Variants in PXMP2 observed in about 807,000 individuals in gnomAD.
PXMP2 encodes the protein peroxisomal membrane protein 2.
A neutral mutation model predicts 20.2 loss-of-function variants in PXMP2; 13 were observed. The ratio of observed to expected loss-of-function variants is 0.64; its 90% CI spans 0.42 to 1.02. The LOEUF is 1.02. Ranked by LOEUF, PXMP2 falls within the 50% of genes least tolerant of loss-of-function variation. The pLI, the probability that PXMP2 is intolerant of heterozygous loss-of-function variation, is 0.00. For missense variants in PXMP2, 284 were observed against 251.8 expected, an observed-to-expected ratio of 1.13 and a Z score of -0.87; for synonymous variants, 113 against 111.2, an observed-to-expected ratio of 1.02 and a Z score of -0.10.
At chr12:132,689,811 G>A (rs1330703997) in intron 1 of PXMP2, among the ~76,000 whole-genome samples, 1 of 152,120 alleles carries the variant, frequency 6.6e-6, no homozygotes, top group African/African-American at 2.4e-5. Context: ...GTGCAGTATC[G>A]ACCAGGGCAT....
rs533579558 is a variant in PXMP2 at position 132,692,419 on chromosome 12, C to T, written c.236+2043C>T. On this transcript the variant is annotated intron_variant, in intron 2 of 4. Coordinates refer to ENST00000317479, the MANE Select transcript of PXMP2 (RefSeq NM_018663.3). ...CCTTAGCCAGTTAATTAGTGAGCTC[C>T]CTTAGCCAGTTAGTTAGTGAGCGCC... is the stretch of plus-strand genomic sequence containing the variant. Among the ~76,000 whole-genome samples the T allele has an allele frequency of 3.0e-5, 3 of 100,190 alleles. No homozygotes were observed. The East Asian group carries it at 7.4e-4, about 25-fold the overall frequency. 65.7% of individuals were successfully genotyped at this position (100,190 alleles called of 152,430 possible).
At chr12:132,692,253 CAGTT>C (rs751563879) in intron 2 of PXMP2, among the ~76,000 whole-genome samples, 5 of 145,734 alleles carry the variant, frequency 3.4e-5, no homozygotes, top group African/African-American at 5.2e-5. Flanking sequence ...CTCCCTGAGC[CAGTT>C]AGTTAGTGAG....
At chr12:132,697,884 G>A (rs1296884594) in intron 3 of PXMP2, among the ~76,000 whole-genome samples, 1 of 152,132 alleles carries the variant, frequency 6.6e-6, no homozygotes, top group Non-Finnish European at 1.5e-5. Flanking sequence ...CATGGGAGGC[G>A]TGTTCACCTG....
chr12:132,700,537 T>A (rs898033883), intron 3 of PXMP2, among the ~76,000 whole-genome samples: 1 of 152,228 alleles, frequency 6.6e-6, no homozygotes, highest in Non-Finnish European at 1.5e-5. Flanking sequence ...CATTTCTTTC[T>A]TGTTGAGTTG....
rs1419155705 is a variant in PXMP2 at position 132,696,114 on chromosome 12, C to T, written c.399+68C>T. ...ACAGGGATTCTTCACCTGACATTCTCGGCAGAATTCAGAGGGTCTGCAGAT... is the reference window on the plus strand; with the variant it reads ...ACAGGGATTCTTCACCTGACATTCTTGGCAGAATTCAGAGGGTCTGCAGAT... On this transcript the variant is annotated intron_variant, in intron 3 of 4. Coordinates refer to ENST00000317479, the MANE Select transcript of PXMP2 (RefSeq NM_018663.3). The surrounding 1 kb of genome is among the most constrained non-coding windows in gnomAD (Gnocchi z 4.4). 6.3e-5 allele frequency: 92 copies of T among 1,456,018 alleles called. No homozygotes were observed. Among genetic ancestry groups the T allele is most frequent in the South Asian group, 8.8e-5 (6 of 68,124 alleles). The allele number at this position is 1,456,018 out of a possible 1,614,324, so 90.2% of individuals were successfully genotyped here. A position where few individuals can be genotyped will look rare whatever the true frequency, so the allele number is the denominator to read the frequency against.
At chr12:132,697,500 C>T (rs557170430) in intron 3 of PXMP2, among the ~76,000 whole-genome samples, 253 of 151,696 alleles carry the variant, frequency 1.7e-3, no homozygotes, top group African/African-American at 5.8e-3. Flanking sequence ...CTCTGCCTCC[C>T]GGGTTCAAAC....
rs200778964 is a variant in PXMP2 at position 132,695,139 on chromosome 12, CAGTT to C, written c.237-737_237-734del. ...CAGTTAGTTAATGAGCTCCCTTAGC[CAGTT>C]AGTTAGTGAGCGCCCTTGACAGTTA... On this transcript the variant is annotated intron_variant, in intron 2 of 4. Transcript: ENST00000317479. Among the ~76,000 whole-genome samples the C allele has an allele frequency of 7.1e-4, 106 of 148,884 alleles. 1 individual carries two copies. The highest frequency in any genetic ancestry group is 6.1e-3 in the East Asian group (30 of 4,942).
intron 2 of PXMP2, among the ~76,000 whole-genome samples, chr12:132,693,982 T>A (rs1333561756): frequency 9.1e-6 from 1 of 109,362 alleles, no homozygotes; most frequent in Non-Finnish European, 2.1e-5. Context: ...AGCCAGTTAG[T>A]GAGCTCCCTT....
chr12:132,701,515 A>T (rs949672369), intron 4 of PXMP2, 146 bp downstream of exon 4: 4 of 1,151,058 alleles, frequency 3.5e-6, no homozygotes, highest in East Asian at 2.6e-5. Flanking sequence ...ACTTAGTTTC[A>T]TCCGTGTCTA....
intron 1 of PXMP2, among the ~76,000 whole-genome samples, chr12:132,688,335 CA>C (rs1415471549): frequency 2.5e-5 from 1 of 40,406 alleles, no homozygotes; most frequent in Admixed American, 2.6e-4. Context: ...AAGACAGGGC[CA>C]GGGGAGCGGG....
At chr12:132,697,931 C>T (rs530883898) in intron 3 of PXMP2, among the ~76,000 whole-genome samples, 8 of 152,244 alleles carry the variant, frequency 5.3e-5, no homozygotes, top group African/African-American at 1.9e-4. Context: ...TGTCCCACCT[C>T]CCCCGTTCAC....
intron 1 of PXMP2, among the ~76,000 whole-genome samples, chr12:132,688,916 G>A (rs1197002301): frequency 5.2e-5 from 2 of 38,532 alleles, no homozygotes; most frequent in African/African-American, 1.9e-4. Context: ...GGTGAAGACA[G>A]GGCCAGGGGA....
intron 2 of PXMP2, 146 bp downstream of exon 2, chr12:132,690,522 A>G: frequency 1.6e-6 from 1 of 643,822 alleles, no homozygotes; most frequent in South Asian, 2.1e-5. Flanking sequence ...AAAAACTCGA[A>G]TGGTTCATAT....
Position 132,687,602 on chromosome 12 carries a change from C to G in PXMP2, c.-69C>G, listed in dbSNP as rs183725414. On this transcript the variant is annotated 5_prime_UTR_variant, in exon 1 of 5. Coordinates refer to ENST00000317479, the MANE Select transcript of PXMP2 (RefSeq NM_018663.3). ...GGCGGTCCCCACTCCGCTCTCGGCG[C>G]CTCGGGCTCCGCGCCCGGCCAGCCT... 3.4e-6 allele frequency: 4 copies of G among 1,166,956 alleles called. No individual in the cohort carries two copies. The allele number at this position is 1,166,956 out of a possible 1,614,324, so 72.3% of individuals were successfully genotyped here.
At chr12:132,704,537 C>A in intron 4 of PXMP2, 82 bp from the exon 5 acceptor site, 1 of 1,159,510 alleles carries the variant, frequency 8.6e-7, no homozygotes, top group Non-Finnish European at 1.2e-6. Context: ...AACGGGTAAA[C>A]AAATGAACTG....
In PXMP2 at chr12:132,695,864, A is replaced by T; in HGVS notation, c.237-20A>T. ...CATCCAGAGAACCACAATCTGGCTC[A>T]CACCCCCTGGGGGCCTCAGGTTCTT... On this transcript the variant is annotated intron_variant, in intron 2 of 4. Coordinates refer to ENST00000317479, the MANE Select transcript of PXMP2 (RefSeq NM_018663.3). 1 of 1,589,582 alleles carries T rather than the reference A, an allele frequency of 6.3e-7. No individual in the cohort carries two copies. The highest frequency in any genetic ancestry group is 8.6e-7 in the Non-Finnish European group (1 of 1,165,412).
intron 2 of PXMP2, among the ~76,000 whole-genome samples, chr12:132,691,760 T>G (rs2043368024): frequency 6.6e-6 from 1 of 151,958 alleles, no homozygotes; most frequent in Admixed American, 6.6e-5. Context: ...TATGACTGGG[T>G]GGGAAAAAAC....
At chr12:132,704,533 TA>T in intron 4 of PXMP2, 85 bp from the exon 5 acceptor site, 1 of 1,113,860 alleles carries the variant, frequency 9.0e-7, no homozygotes, top group Non-Finnish European at 1.2e-6. Flanking sequence ...AACAAACGGG[TA>T]AACAAATGAA....
At chr12:132,695,761 G>A in intron 2 of PXMP2, 123 bp from the exon 3 acceptor site, 1 of 1,023,718 alleles carries the variant, frequency 9.8e-7, no homozygotes, top group Non-Finnish European at 1.4e-6. Flanking sequence ...ACAGACCTGT[G>A]TGGCCAATAC....
Sources: gnomAD v4.1 joint callset for allele counts (sites outside exome capture counted in the v4.1 genomes callset) on GRCh38, gnomAD v4.1.1 for gene constraint, Gnocchi (gnomAD v3.1) non-coding constraint, MANE v1.5 for transcripts, NCBI Gene and HGNC (gene_info 2026-07-23, HGNC 2026-07-21) for gene names.